Variants in USP32 observed in about 807,000 individuals in gnomAD.
USP32 encodes ubiquitin specific peptidase 32.
A neutral mutation model predicts 204.8 loss-of-function variants in USP32; 59 were observed. That is an observed-to-expected ratio of 0.29 (90% CI 0.23 to 0.36). The LOEUF (loss-of-function observed/expected upper bound fraction) is 0.36. USP32 is among the 10% of genes least tolerant of loss of function. The probability of loss-of-function intolerance (pLI) is 1.00; values close to 1 mark genes in which losing one functional copy is unlikely to be tolerated. For synonymous variants in USP32, 517 were observed against 678.4 expected, an observed-to-expected ratio of 0.76 and a Z score of 3.70; for missense variants, 1,160 against 1,946.4, an observed-to-expected ratio of 0.60 and a Z score of 7.60.
intron 2 of USP32, among the ~76,000 whole-genome samples, chr17:60,309,227 A>C (rs1259926955): frequency 6.6e-6 from 1 of 152,206 alleles, no homozygotes; most frequent in African/African-American, 2.4e-5. Context: ...AAATATTTGC[A>C]AAATACCCAT....
At chr17:60,408,544 A>G (rs1357017739) in intron 1 of USP32, among the ~76,000 whole-genome samples, 4 of 151,924 alleles carry the variant, frequency 2.6e-5, no homozygotes, top group Admixed American at 6.6e-5. Flanking sequence ...TGCCCAGCTA[A>G]TTTTTGTATT....
Position 60,180,447 on chromosome 17 carries a change from A to G in USP32, c.4641+98T>C, listed in dbSNP as rs1356373098. The stretch of plus-strand genomic sequence containing the variant: ...TATATTGATTCTAACAGAAATATCT[A>G]TTTCCTATTCAAGAGATAGTCCATT... On this transcript the variant is annotated intron_variant, in intron 33 of 33. Coordinates refer to ENST00000300896, the MANE Select transcript of USP32 (RefSeq NM_032582.4). 2.4e-5 allele frequency: 31 copies of G among 1,311,096 alleles called. No homozygotes were observed. The East Asian group carries it at 5.4e-4, about 23-fold the overall frequency. The allele number at this position is 1,311,096 out of a possible 1,614,324, so 81.2% of individuals were successfully genotyped here.
At chr17:60,401,041 A>G (rs2089930902) in intron 1 of USP32, among the ~76,000 whole-genome samples, 1 of 152,116 alleles carries the variant, frequency 6.6e-6, no homozygotes, top group Non-Finnish European at 1.5e-5. Flanking sequence ...CTATAGTCCC[A>G]GCTACTTAGG....
In USP32 at chr17:60,187,366, T is replaced by C. The variant is rs1338572220; in HGVS notation, c.3643-1715A>G. ...AAAGGAAATCTGGCTTGGACTTGGG[T>C]TATAGACTTCTTTTTTGAGTACAAA... On this transcript the variant is annotated intron_variant, in intron 29 of 33. Transcript: ENST00000300896. Among the ~76,000 whole-genome samples, 5 of 152,280 alleles carry C rather than the reference T, an allele frequency of 3.3e-5. No homozygotes were observed. The East Asian group carries it at 9.7e-4, about 29-fold the overall frequency.
At chr17:60,258,794 C>T (rs1244169224) in intron 9 of USP32, among the ~76,000 whole-genome samples, 1 of 152,146 alleles carries the variant, frequency 6.6e-6, no homozygotes, top group Non-Finnish European at 1.5e-5. Flanking sequence ...TAATATGAGG[C>T]AAACTATGCT....
In USP32 at chr17:60,210,800, G is replaced by A. The variant is rs573468939; in HGVS notation, c.2424+213C>T. On this transcript the variant is annotated intron_variant, in intron 21 of 33. Coordinates refer to ENST00000300896, the MANE Select transcript of USP32 (RefSeq NM_032582.4). The stretch of plus-strand genomic sequence containing the variant: ...AAATGAATGACATCCCGAATTTAGA[G>A]TGTACCTTTGGTCTTTATCCTACCC... Among the ~76,000 whole-genome samples the A allele has an allele frequency of 3.9e-5, 6 of 152,396 alleles. No homozygotes were observed. In the South Asian group the frequency reaches 1.2e-3, roughly 32 times the overall value.
chr17:60,187,744 C>T (rs2084285702), intron 29 of USP32, among the ~76,000 whole-genome samples: 1 of 152,188 alleles, frequency 6.6e-6, no homozygotes, highest in African/African-American at 2.4e-5. Flanking sequence ...TTCTATTTAT[C>T]AGTAAATTTC....
intron 1 of USP32, among the ~76,000 whole-genome samples, chr17:60,349,620 TATATTATATATATATATATATATTA>T (rs1567867330): frequency 3.9e-4 from 28 of 72,204 alleles, no homozygotes; most frequent in African/African-American, 3.2e-3. Context: ...TATATATATA[TATATTATATATATATATATATATTA>T]TATATATACA....
At chr17:60,405,587 C>A (rs1035845331) in intron 1 of USP32, among the ~76,000 whole-genome samples, 1 of 152,092 alleles carries the variant, frequency 6.6e-6, no homozygotes, top group Non-Finnish European at 1.5e-5. Flanking sequence ...CATATCAAAA[C>A]CCCATCGCTA....
intron 11 of USP32, among the ~76,000 whole-genome samples, chr17:60,236,991 C>T (rs1233237997): frequency 6.6e-6 from 1 of 151,948 alleles, no homozygotes; most frequent in Non-Finnish European, 1.5e-5. Flanking sequence ...CCATCCAACA[C>T]CTAAAGAACA....
At chr17:60,410,863 A>C (rs1405957437) in intron 1 of USP32, among the ~76,000 whole-genome samples, 1 of 148,556 alleles carries the variant, frequency 6.7e-6, no homozygotes, top group African/African-American at 2.5e-5. Context: ...GGGGGATCAC[A>C]AGGTCAAGAG....
intron 3 of USP32, chr17:60,301,348 T>A (rs1041047335): frequency 1.5e-5 from 4 of 259,606 alleles, no homozygotes; most frequent in African/African-American, 4.6e-5. Flanking sequence ...TTTTTCCACA[T>A]CTTCCTCAAC....
At chr17:60,362,707 C>T (rs2089233926) in intron 1 of USP32, among the ~76,000 whole-genome samples, 3 of 152,124 alleles carry the variant, frequency 2.0e-5, no homozygotes, top group Admixed American at 2.0e-4. Flanking sequence ...TTGCTTCCAG[C>T]AGTTTCTCGA....
rs2084011891 is a variant in USP32, at chr17:60,178,085, A to G, written c.*1170T>C. Among the ~76,000 whole-genome samples, 1 of 152,240 alleles carries G rather than the reference A, an allele frequency of 6.6e-6. No homozygotes were observed. Among genetic ancestry groups the G allele is most frequent in the Admixed American group, 6.5e-5 (1 of 15,278 alleles). ...ATGACTACTGTAAAATTTAAAAAAAAGACAAATATCAAAATAAAAAAATTA... is the reference window on the plus strand; with the variant it reads ...ATGACTACTGTAAAATTTAAAAAAAGGACAAATATCAAAATAAAAAAATTA... On this transcript the variant is annotated 3_prime_UTR_variant, in exon 34 of 34. Transcript: ENST00000300896.
intron 5 of USP32, among the ~76,000 whole-genome samples, chr17:60,282,463 C>T (rs1419735908): frequency 1.3e-5 from 2 of 152,204 alleles, no homozygotes; most frequent in African/African-American, 4.8e-5. Context: ...AAGCTATTCT[C>T]CTGCCTCAGC....
At chr17:60,349,596 A>AAATATATATATATATAT (rs1555618242) in intron 1 of USP32, among the ~76,000 whole-genome samples, 7 of 65,174 alleles carry the variant, frequency 1.1e-4, no homozygotes, top group African/African-American at 1.5e-4. Context: ...AAAAAAAAAA[A>AAATATATATATATATAT]ATATATATAT....
chr17:60,413,474 G>A (rs2090034330), intron 1 of USP32, among the ~76,000 whole-genome samples: 1 of 152,078 alleles, frequency 6.6e-6, no homozygotes, highest in South Asian at 2.1e-4. Flanking sequence ...ATATTATTTT[G>A]ACTTAAAAAG....
rs147998157 is a variant in USP32 at position 60,243,676 on chromosome 17, T to C, written c.1137-7436A>G. Among the ~76,000 whole-genome samples the C allele has an allele frequency of 9.3e-3, 1,412 of 152,338 alleles. 9 individuals are homozygous for C. Among genetic ancestry groups the C allele is most frequent in the Non-Finnish European group, 0.015 (993 of 68,026 alleles). On this transcript the variant is annotated intron_variant, in intron 11 of 33. Transcript: ENST00000300896. ...TAAAACGGTAAAAACATTTTTAGCT[T>C]GCAGATTGTACAGAATCAGGCAGTG...
At chr17:60,196,010 G>A (rs1288598084) in intron 27 of USP32, among the ~76,000 whole-genome samples, 2 of 152,214 alleles carry the variant, frequency 1.3e-5, no homozygotes, top group Admixed American at 6.5e-5. Flanking sequence ...AGCAGCTCAC[G>A]CCTGTAATCC....
Sources: allele counts gnomAD v4.1 joint callset (sites outside exome capture counted in the v4.1 genomes callset), GRCh38; gene constraint gnomAD v4.1.1; transcripts MANE v1.5; gene names NCBI Gene and HGNC (gene_info 2026-07-23, HGNC 2026-07-21).